LRRC37A3: variants seen among roughly 807,000 people sequenced by gnomAD.
LRRC37A3 encodes the protein leucine-rich repeat-containing protein 37A3.
In LRRC37A3, 25 loss-of-function variants were observed where a neutral mutation model predicts 106.2. The ratio of observed to expected loss-of-function variants is 0.24; its 90% CI spans 0.17 to 0.33. The LOEUF (loss-of-function observed/expected upper bound fraction) is 0.33, where lower values mean the gene tolerates loss of function less well. Among genes scored for constraint, LRRC37A3 ranks in the 10% least tolerant of loss-of-function variants. The pLI is 1.00. For synonymous variants in LRRC37A3, 305 were observed against 635.8 expected (o/e 0.48, Z 7.83); for missense variants, 712 against 1,644.9 (o/e 0.43, Z 9.81).
At chr17:64,910,636 C>G (rs1469358897) in intron 2 of LRRC37A3, among the ~76,000 whole-genome samples, 2 of 146,732 alleles carry the variant, frequency 1.4e-5, no homozygotes, top group Non-Finnish European at 3.0e-5. Flanking sequence ...CATTGTCCCC[C>G]CTTTTTTTTT....
chr17:64,913,292 G>A (rs1974630537), intron 2 of LRRC37A3, among the ~76,000 whole-genome samples: 1 of 149,326 alleles, frequency 6.7e-6, no homozygotes, highest in Non-Finnish European at 1.5e-5. Context: ...GCCTTCCAAA[G>A]TGCTGGGTTT....
chr17:64,905,142 G>A (rs1974434097), intron 2 of LRRC37A3, among the ~76,000 whole-genome samples: 2 of 151,218 alleles, frequency 1.3e-5, no homozygotes, highest in South Asian at 4.1e-4. Flanking sequence ...CTTATTTAAA[G>A]GCTCTGTCAG....
At position 64,874,627 on chromosome 17, in the gene LRRC37A3, A is replaced by T. The variant is rs1973446084; in HGVS notation, c.2907-5461T>A. ...AACAGCTCATTGAGAACGGGCCATGATGACGATGGCGGTTTTGTTGAATAG... is the reference window on the plus strand; with the variant it reads ...AACAGCTCATTGAGAACGGGCCATGTTGACGATGGCGGTTTTGTTGAATAG... On this transcript the variant is annotated intron_variant, in intron 8 of 14. Transcript: ENST00000584306. Among the ~76,000 whole-genome samples the T allele has an allele frequency of 1.3e-5, 2 of 152,272 alleles. 1 individual carries two copies. Among genetic ancestry groups the T allele is most frequent in the South Asian group, 4.1e-4 (2 of 4,838 alleles).
intron 1 of LRRC37A3, 150 bp from the exon 2 acceptor site, chr17:64,919,020 T>C (rs1257626079): frequency 3.3e-6 from 4 of 1,221,662 alleles, no homozygotes; most frequent in Admixed American, 4.3e-5. Context: ...GGGGTGGGGC[T>C]GGCGGCGGCG....
chr17:64,859,244 C>T (rs1388846276), intron 12 of LRRC37A3, among the ~76,000 whole-genome samples, 198 bp downstream of exon 12: 1 of 152,084 alleles, frequency 6.6e-6, no homozygotes, highest in East Asian at 1.9e-4. Flanking sequence ...GAGCTACCAC[C>T]CCCAGCCTAC....
In LRRC37A3 at chr17:64,855,906, C is replaced by T. The variant is rs375549905; in HGVS notation, c.4810-17G>A. On this transcript the variant is annotated splice_polypyrimidine_tract_variant and intron_variant, in intron 13 of 14. Transcript: ENST00000584306. Reference sequence around the variant, plus strand: ...ACAACAGATCTGTTTTAGAAGAAAACGCAATTAAGATTATCTATGACAACA... The same window carrying T: ...ACAACAGATCTGTTTTAGAAGAAAATGCAATTAAGATTATCTATGACAACA... 2.5e-4 allele frequency: 408 copies of T among 1,611,578 alleles called. No individual in the cohort carries two copies. Among genetic ancestry groups the T allele is most frequent in the Admixed American group, 7.7e-4 (46 of 60,002 alleles).
At chr17:64,865,041 TA>T (rs1973011748) in intron 10 of LRRC37A3, among the ~76,000 whole-genome samples, 1 of 152,216 alleles carries the variant, frequency 6.6e-6, no homozygotes, top group Non-Finnish European at 1.5e-5. Flanking sequence ...TGACTAGTAT[TA>T]TTCCTTTGGG....
At chr17:64,910,637 C>CTTTTTTTTTT (rs926231139) in intron 2 of LRRC37A3, among the ~76,000 whole-genome samples, 7 of 96,478 alleles carry the variant, frequency 7.3e-5, no homozygotes, top group African/African-American at 8.8e-5. Context: ...ATTGTCCCCC[C>CTTTTTTTTTT]TTTTTTTTTT....
intron 2 of LRRC37A3, chr17:64,909,642 C>T (rs1974539051): frequency 6.6e-6 from 1 of 152,256 alleles, no homozygotes; most frequent in African/African-American, 2.4e-5. Flanking sequence ...CTCCCCTTAC[C>T]AAGCAGAAAG....
chr17:64,860,879 C>T lies in LRRC37A3; in HGVS notation c.3267G>A (p.Pro1089=), dbSNP rs556201959. The T allele has an allele frequency of 1.1e-4, 170 of 1,614,192 alleles. No homozygotes were observed. In the East Asian group the frequency reaches 2.4e-3, roughly 23 times the overall value. Reference sequence around the variant, plus strand: ...TGCCACTGCTGTCTGAGGGCTCCTCCGGCTCAATAATCAGCTCAGTGCTTG... The same window carrying T: ...TGCCACTGCTGTCTGAGGGCTCCTCTGGCTCAATAATCAGCTCAGTGCTTG... ...NYTSTELIIE[P]EEPSDSSGIN... Residue 1089 remains proline, a synonymous_variant, in exon 12 of 15, where the codon CCG becomes CCA. Transcript: ENST00000584306.
In LRRC37A3 at chr17:64,860,497, G is replaced by C. The variant is rs1169938005; in HGVS notation, c.3649C>G (p.Pro1217Ala). Reference protein sequence around the residue: ...GSPAPRELKQPHTQQGPEKLA... With the variant: ...GSPAPRELKQAHTQQGPEKLA... ...TTCTCAGGCCCCTGCTGTGTGTGAG[G>C]CTGTTTCAGCTCCCTTGGGGCTGGA... The change falls in exon 12 of 15, where the codon CCT (proline) becomes GCT (alanine). Residue 1217 changes from proline to alanine, a missense_variant. Transcript: ENST00000584306. The C allele has an allele frequency of 3.1e-6, 5 of 1,613,162 alleles. No homozygotes were observed. In the Admixed American group the frequency reaches 6.7e-5, roughly 22 times the overall value.
intron 2 of LRRC37A3, chr17:64,899,775 GC>G (rs1288653824): frequency 6.7e-6 from 1 of 149,286 alleles, no homozygotes; most frequent in Non-Finnish European, 1.5e-5. Context: ...TACTCCTGGA[GC>G]GGGGGGAGAC....
intron 2 of LRRC37A3, chr17:64,901,362 G>C (rs1369261838): frequency 1.3e-5 from 2 of 150,182 alleles, no homozygotes; most frequent in Non-Finnish European, 2.9e-5. Context: ...GAGACCACTG[G>C]GCTAGTAGAC....
At chr17:64,893,944 A>C (rs1367311454) in intron 4 of LRRC37A3, among the ~76,000 whole-genome samples, 1 of 147,952 alleles carries the variant, frequency 6.8e-6, no homozygotes, top group Non-Finnish European at 1.5e-5. Context: ...GAGCCACCAC[A>C]CCCAGCCTCT....
At chr17:64,913,706 CAAAT>C (rs1974643572) in intron 2 of LRRC37A3, among the ~76,000 whole-genome samples, 1 of 151,028 alleles carries the variant, frequency 6.6e-6, no homozygotes, top group Non-Finnish European at 1.5e-5. Flanking sequence ...ATAAAGGGGT[CAAAT>C]AATCAAGAGG....
At chr17:64,859,393 A>C in intron 12 of LRRC37A3, 49 bp downstream of exon 12, 1 of 1,243,518 alleles carries the variant, frequency 8.0e-7, no homozygotes. Context: ...TTCCTGGGAT[A>C]TGCTAAATGA....
chr17:64,860,567 G>A lies in LRRC37A3; in HGVS notation c.3579C>T (p.Ala1193=). The A allele has an allele frequency of 1.9e-6, 3 of 1,613,286 alleles. No individual in the cohort carries two copies. The highest frequency in any genetic ancestry group is 1.1e-5 in the South Asian group (1 of 91,044). The change falls in exon 12 of 15, where the codon GCC becomes GCT. Residue 1193 remains alanine (A), a synonymous_variant. Coordinates refer to ENST00000584306, the MANE Select transcript of LRRC37A3 (RefSeq NM_199340.5). ...GRQSIRREQG[A]QASVENTAEE... ...CGGCAGTGTTCTCCACAGATGCCTG[G>A]GCACCCTGTTCCCTCCTGATGCTCT...
chr17:64,880,865 C>A (rs1350148520), intron 8 of LRRC37A3, among the ~76,000 whole-genome samples: 1 of 151,972 alleles, frequency 6.6e-6, no homozygotes. Context: ...AGGACTGGAG[C>A]ATGTCATCAC....
chr17:64,865,717 G>A (rs529617278), intron 10 of LRRC37A3, among the ~76,000 whole-genome samples: 19 of 152,228 alleles, frequency 1.2e-4, no homozygotes, highest in Middle Eastern at 3.4e-3. Flanking sequence ...GGCATTCTCC[G>A]ACATAACCAG....
Sources: allele counts gnomAD v4.1 joint callset (sites outside exome capture counted in the v4.1 genomes callset), GRCh38; gene constraint gnomAD v4.1.1; transcripts MANE v1.5; gene names NCBI Gene and HGNC (gene_info 2026-07-23, HGNC 2026-07-21).